PALLD: variants seen among roughly 807,000 people sequenced by gnomAD.
The protein encoded by PALLD is palladin, cytoskeletal associated protein, also known as palladin.
PALLD carries 61 observed loss-of-function variants against 123.5 expected under a neutral mutation model. The ratio of observed to expected loss-of-function variants is 0.49; its 90% confidence interval spans 0.40 to 0.61. The LOEUF is 0.61. Among genes scored for constraint, PALLD ranks in the 20% least tolerant of loss-of-function variants. The pLI, the probability that PALLD is intolerant of heterozygous loss-of-function variation, is 0.00. For missense variants in PALLD, 1,273 were observed against 1,377.0 expected (o/e 0.92, Z 1.20); for synonymous variants, 465 against 496.4 (o/e 0.94, Z 0.84).
chr4:168,651,409 G>T (rs1778027183), intron 2 of PALLD, among the ~76,000 whole-genome samples: 1 of 151,986 alleles, frequency 6.6e-6, no homozygotes, highest in Non-Finnish European at 1.5e-5. Flanking sequence ...AATGTTTGAG[G>T]TGAGGGACAT....
chr4:168,737,803 C>A (rs1399305065), intron 10 of PALLD, among the ~76,000 whole-genome samples: 1 of 152,196 alleles, frequency 6.6e-6, no homozygotes, highest in Non-Finnish European at 1.5e-5. Context: ...ACCTCTAACC[C>A]TTCCAAAGGG....
At chr4:168,555,332 G>C (rs1286412294) in intron 2 of PALLD, among the ~76,000 whole-genome samples, 1 of 152,158 alleles carries the variant, frequency 6.6e-6, no homozygotes, top group Non-Finnish European at 1.5e-5. Flanking sequence ...AAGGGTTGAG[G>C]CCTGAGAAAA....
At chr4:168,784,337 AAG>A (rs914828387) in intron 10 of PALLD, among the ~76,000 whole-genome samples, 6 of 152,058 alleles carry the variant, frequency 3.9e-5, no homozygotes, top group East Asian at 3.8e-4. Context: ...TGAAAAAAAA[AAG>A]AGAGAGAGAG....
chr4:168,610,335 C>T (rs1773609288), intron 2 of PALLD, among the ~76,000 whole-genome samples: 1 of 152,134 alleles, frequency 6.6e-6, no homozygotes. Flanking sequence ...TCCATCGGTC[C>T]CCTTCCTAGA....
intron 8 of PALLD, among the ~76,000 whole-genome samples, chr4:168,693,643 C>T (rs1782857958): frequency 6.6e-6 from 1 of 152,060 alleles, no homozygotes; most frequent in Non-Finnish European, 1.5e-5. Flanking sequence ...AAAATTTCTC[C>T]TGGCAGAGAA....
At chr4:168,531,065 C>T (rs2319903) in intron 2 of PALLD, among the ~76,000 whole-genome samples, 63,518 of 152,088 alleles carry the variant, frequency 0.42, 14,381 homozygotes, top group African/African-American at 0.6. Context: ...TTGTCAAATA[C>T]CCTTAATTCA....
rs1376032890 is a variant in PALLD, at chr4:168,512,290, C to T, written c.786C>T (p.His262=). ...PHNRKSHPQP[H]SALHFPAAPR... ...ACCGCAAGTCTCACCCACAGCCCCA[C>T]AGCGCCCTCCACTTCCCAGCTGCAC... Residue 262 remains histidine (H), a synonymous_variant, in exon 2 of 22, where the codon CAC becomes CAT. Coordinates refer to ENST00000505667, the MANE Select transcript of PALLD (RefSeq NM_001166108.2). The T allele has an allele frequency of 6.2e-7, 1 of 1,614,210 alleles. No homozygotes were observed.
intron 10 of PALLD, among the ~76,000 whole-genome samples, chr4:168,755,033 C>T (rs1341215985): frequency 6.6e-6 from 1 of 152,076 alleles, no homozygotes; most frequent in Non-Finnish European, 1.5e-5. Context: ...GAGATCGAGA[C>T]CATCCTGGCT....
At chr4:168,504,436 A>G (rs989094031) in intron 1 of PALLD, among the ~76,000 whole-genome samples, 1 of 152,184 alleles carries the variant, frequency 6.6e-6, no homozygotes, top group Non-Finnish European at 1.5e-5. Context: ...TCTACTAAAA[A>G]TACAAAAATC....
chr4:168,921,347 C>T (rs770746549), intron 17 of PALLD, among the ~76,000 whole-genome samples, 187 bp from the exon 18 acceptor site: 22 of 128,602 alleles, frequency 1.7e-4, no homozygotes, highest in Admixed American at 5.3e-4. Flanking sequence ...GCAGAGGTTG[C>T]AGTGAGCTGA....
At chr4:168,574,423 T>C (rs1350817726) in intron 2 of PALLD, among the ~76,000 whole-genome samples, 1 of 152,160 alleles carries the variant, frequency 6.6e-6, no homozygotes, top group African/African-American at 2.4e-5. Context: ...CTTCTTTTCT[T>C]GTTATTCTCA....
chr4:168,767,142 G>A (rs1733777034), intron 10 of PALLD, among the ~76,000 whole-genome samples: 1 of 152,258 alleles, frequency 6.6e-6, no homozygotes, highest in Admixed American at 6.5e-5. Context: ...TACTGGGACT[G>A]TAACAACCCA....
chr4:168,602,358 G>C (rs144268103), intron 2 of PALLD, among the ~76,000 whole-genome samples: 56 of 152,294 alleles, frequency 3.7e-4, no homozygotes, highest in African/African-American at 1.3e-3. Context: ...CGAGTACAGG[G>C]ATATGGTTAA....
intron 10 of PALLD, among the ~76,000 whole-genome samples, chr4:168,715,458 C>T (rs771257151): frequency 6.6e-6 from 1 of 152,190 alleles, no homozygotes; most frequent in Non-Finnish European, 1.5e-5. Flanking sequence ...TCTTCAATCA[C>T]ATCATGAAAG....
intron 10 of PALLD, among the ~76,000 whole-genome samples, chr4:168,797,458 A>G (rs1198828301): frequency 1.3e-5 from 2 of 152,128 alleles, no homozygotes; most frequent in Non-Finnish European, 2.9e-5. Context: ...AAAGGAGTTT[A>G]TCAGATCACC....
chr4:168,561,495 G>A (rs1012515812), intron 2 of PALLD, among the ~76,000 whole-genome samples: 1 of 152,010 alleles, frequency 6.6e-6, no homozygotes, highest in African/African-American at 2.4e-5. Flanking sequence ...GGCTGATCGT[G>A]AACTCCTGGC....
chr4:168,506,513 C>T (rs1762020847), intron 1 of PALLD, among the ~76,000 whole-genome samples: 1 of 152,150 alleles, frequency 6.6e-6, no homozygotes, highest in South Asian at 2.1e-4. Flanking sequence ...CCTATAATAA[C>T]TCATTTCTTC....
chr4:168,564,903 A>G (rs1346036193), intron 2 of PALLD, among the ~76,000 whole-genome samples: 1 of 152,050 alleles, frequency 6.6e-6, no homozygotes, highest in Non-Finnish European at 1.5e-5. Context: ...TACCCTTAAG[A>G]AAACTTGGCT....
At position 168,711,680 on chromosome 4, in the gene PALLD, T is replaced by C; in HGVS notation, c.1721T>C (p.Leu574Ser). ...CCTCCAATCTTGGAGACAAGTTCCT[T>C]GGAGTTGGCTTCAAAGAAACCATCT... Reference protein sequence around the residue: ...PPPPILETSSLELASKKPSEI... With the variant: ...PPPPILETSSSELASKKPSEI... The change falls in exon 10 of 22, where the codon TTG (leucine) becomes TCG (serine). Residue 574 changes from leucine (L) to serine (S), a missense_variant. Coordinates refer to ENST00000505667, the MANE Select transcript of PALLD (RefSeq NM_001166108.2). The C allele has an allele frequency of 6.2e-7, 1 of 1,614,066 alleles. No individual in the cohort carries two copies. Among genetic ancestry groups the C allele is most frequent in the Non-Finnish European group, 8.5e-7 (1 of 1,179,984 alleles).
Sources: gnomAD v4.1 joint callset for allele counts (sites outside exome capture counted in the v4.1 genomes callset) on GRCh38, gnomAD v4.1.1 for gene constraint, MANE v1.5 for transcripts, NCBI Gene and HGNC (gene_info 2026-07-23, HGNC 2026-07-21) for gene names.